DPH6: variants seen among roughly 807,000 people sequenced by gnomAD.
DPH6 encodes the protein diphthine--ammonia ligase.
DPH6 carries 33 observed loss-of-function variants against 38.2 expected under a neutral mutation model. The ratio of observed to expected loss-of-function variants is 0.86; its 90% CI spans 0.65 to 1.15. DPH6 has a LOEUF of 1.15. DPH6 is among the 50% of genes most tolerant of loss of function. The probability of loss-of-function intolerance (pLI) is 0.00; values close to 1 mark genes in which losing one functional copy is unlikely to be tolerated. For synonymous variants in DPH6, 108 were observed against 103.0 expected (o/e 1.05, Z -0.30); for missense variants, 325 against 320.0 (o/e 1.02, Z -0.12).
intron 3 of DPH6, among the ~76,000 whole-genome samples, chr15:35,352,355 G>T (rs188753051): frequency 4.8e-4 from 73 of 152,104 alleles, no homozygotes; most frequent in African/African-American, 1.5e-3. Context: ...ATGTATACAT[G>T]TGCCATGTTG....
the DPH6 span, among the ~76,000 whole-genome samples, chr15:35,166,069 C>A: frequency 2.6e-5 from 4 of 151,886 alleles, no homozygotes; most frequent in Non-Finnish European, 4.4e-5. Context: ...AAATATGGCA[C>A]CTTGGCATAT....
At chr15:35,347,050 T>C (rs1200574956) in intron 3 of DPH6, among the ~76,000 whole-genome samples, 1 of 152,094 alleles carries the variant, frequency 6.6e-6, no homozygotes. Flanking sequence ...AAGTGTACAG[T>C]ACAGTATTAT....
chr15:35,342,799 T>G (rs1595489586), intron 3 of DPH6, among the ~76,000 whole-genome samples: 2 of 149,034 alleles, frequency 1.3e-5, no homozygotes, highest in East Asian at 3.9e-4. Context: ...CTTCATCAGG[T>G]CTGTTTTTCT....
At chr15:35,148,066 G>A in the DPH6 span, among the ~76,000 whole-genome samples, 2 of 152,138 alleles carry the variant, frequency 1.3e-5, no homozygotes, top group Admixed American at 1.3e-4. Context: ...GTACTCCAGG[G>A]TTATATTTAT....
intron 3 of DPH6, among the ~76,000 whole-genome samples, chr15:35,285,623 T>C (rs112392043): frequency 2.4e-3 from 363 of 152,240 alleles, no homozygotes; most frequent in Non-Finnish European, 4.4e-3. Context: ...GAAAATGGAA[T>C]AACACACCAT....
Position 35,371,967 on chromosome 15 carries a change from A to G in DPH6, c.*183T>C, listed in dbSNP as rs1201456320. ...CCAAGAAAGTTGGCACTATTAATGA[A>G]CATGCCGTCGACATTTTCCCAATTA... On this transcript the variant is annotated 3_prime_UTR_variant, in exon 9 of 9. Coordinates refer to ENST00000256538, the MANE Select transcript of DPH6 (RefSeq NM_080650.4). The G allele has an allele frequency of 7.7e-7, 1 of 1,304,682 alleles. No homozygotes were observed. The highest frequency in any genetic ancestry group is 1.6e-5 in the African/African-American group (1 of 64,290). The allele number at this position is 1,304,682 out of a possible 1,614,324, so 80.8% of individuals were successfully genotyped here.
Position 35,324,837 on chromosome 15 carries a change from T to C in DPH6, n.200+48684A>G, listed in dbSNP as rs984251705. Among the ~76,000 whole-genome samples the C allele has an allele frequency of 2.0e-5, 3 of 152,162 alleles. No homozygotes were observed. The South Asian group carries it at 6.2e-4, about 31-fold the overall frequency. ...TAAAATTATTATAATTAGTATCAGA[T>C]AAATTAGGGAAGATGTGTCTGTCTT... On this transcript the variant is annotated intron_variant and non_coding_transcript_variant, in intron 3 of 3. Transcript: ENST00000560386.
At chr15:35,441,417 C>T (rs528354331) in intron 5 of DPH6, among the ~76,000 whole-genome samples, 1 of 152,292 alleles carries the variant, frequency 6.6e-6, no homozygotes, top group African/African-American at 2.4e-5. Flanking sequence ...ATCCTAATGT[C>T]CATCAAAGAT....
At chr15:35,436,267 C>T (rs1240026695) in intron 5 of DPH6, among the ~76,000 whole-genome samples, 2 of 151,426 alleles carry the variant, frequency 1.3e-5, no homozygotes, top group African/African-American at 2.4e-5. Context: ...GAGATCAAGA[C>T]CATCTTGGCT....
intron 3 of DPH6, among the ~76,000 whole-genome samples, chr15:35,225,511 T>C (rs2051474502): frequency 6.6e-6 from 1 of 152,234 alleles, no homozygotes; most frequent in Non-Finnish European, 1.5e-5. Context: ...GCTTTGGCCA[T>C]TGGAGACGTG....
intron 3 of DPH6, among the ~76,000 whole-genome samples, chr15:35,505,582 A>G (rs1443673679): frequency 6.6e-6 from 1 of 151,992 alleles, no homozygotes; most frequent in East Asian, 1.9e-4. Context: ...AGTGGCCTTG[A>G]GTGATTCTGA....
chr15:35,230,622 A>G (rs1423826546), intron 3 of DPH6, among the ~76,000 whole-genome samples: 1 of 152,166 alleles, frequency 6.6e-6, no homozygotes, highest in African/African-American at 2.4e-5. Flanking sequence ...TGAGTCTCCC[A>G]TGAAACCAGC....
intron 3 of DPH6, among the ~76,000 whole-genome samples, chr15:35,250,578 T>C (rs2051667416): frequency 6.6e-6 from 1 of 152,232 alleles, no homozygotes; most frequent in African/African-American, 2.4e-5. Flanking sequence ...CTGAATATTT[T>C]GAATTTCTAT....
chr15:35,312,820 A>C (rs2052155568), intron 3 of DPH6, among the ~76,000 whole-genome samples: 1 of 152,170 alleles, frequency 6.6e-6, no homozygotes, highest in African/African-American at 2.4e-5. Flanking sequence ...GTCAAAGATA[A>C]GTTGGCTCTA....
chr15:35,188,327 C>T, the DPH6 span, among the ~76,000 whole-genome samples: 4,498 of 152,182 alleles, frequency 0.03, 136 homozygotes, highest in Non-Finnish European at 0.036. Context: ...CTCAAGTGAG[C>T]ATGTGTACAA....
intron 3 of DPH6, chr15:35,299,217 G>A: frequency 8.0e-7 from 1 of 1,251,220 alleles, no homozygotes; most frequent in Non-Finnish European, 1.2e-6. Context: ...CTTCAGCCCA[G>A]CTGGCACATG....
At position 35,457,351 on chromosome 15, in the gene DPH6, T is replaced by C. The variant is rs939759669; in HGVS notation, c.313-2531A>G. 2.0e-5 allele frequency among the ~76,000 whole-genome samples: 3 copies of C among 151,254 alleles called. No individual in the cohort carries two copies. In the Admixed American group the frequency reaches 2.0e-4, roughly 10 times the overall value. The stretch of plus-strand genomic sequence containing the variant: ...ACTGAGCCTATATACAGACCATCAG[T>C]TGTATTTGTTCAATAATTTTTTTTT... On this transcript the variant is annotated intron_variant, in intron 3 of 8. Transcript: ENST00000256538.
intron 6 of DPH6, among the ~76,000 whole-genome samples, chr15:35,393,820 T>C (rs2053091449): frequency 6.6e-6 from 1 of 152,190 alleles, no homozygotes; most frequent in African/African-American, 2.4e-5. Flanking sequence ...ATTAATTGAA[T>C]GGAGGATTGA....
chr15:35,394,104 T>C (rs917639944), intron 6 of DPH6, among the ~76,000 whole-genome samples: 7 of 152,178 alleles, frequency 4.6e-5, no homozygotes, highest in African/African-American at 1.2e-4. Flanking sequence ...TCCTAAGTTA[T>C]AAATATCCCT....
Sources: allele counts gnomAD v4.1 joint callset (sites outside exome capture counted in the v4.1 genomes callset), GRCh38; gene constraint gnomAD v4.1.1; transcripts MANE v1.5; gene names NCBI Gene and HGNC (gene_info 2026-07-23, HGNC 2026-07-21).